Variants in ARHGEF28 observed in about 807,000 individuals in gnomAD.
ARHGEF28 encodes Rho guanine nucleotide exchange factor 28.
In ARHGEF28, 152 loss-of-function variants were observed where a neutral mutation model predicts 206.6. That is an observed-to-expected ratio of 0.74 (90% CI 0.64 to 0.84). The LOEUF is 0.84. Among genes scored for constraint, ARHGEF28 ranks in the 40% least tolerant of loss-of-function variants. The pLI is 0.00. For synonymous variants in ARHGEF28, 763 were observed against 776.4 expected (o/e 0.98, Z 0.29); for missense variants, 2,028 against 2,073.2 (o/e 0.98, Z 0.42).
At chr5:73,936,927 G>A (rs541505250) in intron 35 of ARHGEF28, among the ~76,000 whole-genome samples, 2 of 152,246 alleles carry the variant, frequency 1.3e-5, no homozygotes, top group Admixed American at 1.3e-4. Flanking sequence ...TGATAGTCTG[G>A]TCTTGAAAAT....
At chr5:73,823,056 G>A (rs1756691822) in intron 9 of ARHGEF28, among the ~76,000 whole-genome samples, 1 of 151,462 alleles carries the variant, frequency 6.6e-6, no homozygotes, top group Non-Finnish European at 1.5e-5. Flanking sequence ...GAGGAAATTT[G>A]GGAGATTGTA....
chr5:73,860,692 G>A (rs1000340311), intron 16 of ARHGEF28, among the ~76,000 whole-genome samples: 1 of 152,150 alleles, frequency 6.6e-6, no homozygotes, highest in African/African-American at 2.4e-5. Context: ...TCATCTACAA[G>A]TTATGATCAG....
In ARHGEF28 at chr5:73,690,303, A is replaced by G. The variant is rs952183481; in HGVS notation, c.33+5419A>G. 3.9e-5 allele frequency among the ~76,000 whole-genome samples: 6 copies of G among 152,162 alleles called. No homozygotes were observed. The South Asian group carries it at 1.2e-3, about 32-fold the overall frequency. On this transcript the variant is annotated intron_variant, in intron 2 of 35. Coordinates refer to ENST00000513042, the MANE Select transcript of ARHGEF28 (RefSeq NM_001177693.2). ...TGAATGCTTTTTGATTACATTTTAT[A>G]TTGAGTTTTCTCTACATTTTGTAAA...
chr5:73,739,283 A>T (rs1751214807), intron 2 of ARHGEF28, among the ~76,000 whole-genome samples: 1 of 152,228 alleles, frequency 6.6e-6, no homozygotes, highest in African/African-American at 2.4e-5. Context: ...ATGTCTTAAA[A>T]TTTGGTAAAT....
intron 9 of ARHGEF28, among the ~76,000 whole-genome samples, chr5:73,825,499 T>G (rs1290607328): frequency 6.6e-6 from 1 of 152,028 alleles, no homozygotes; most frequent in Non-Finnish European, 1.5e-5. Flanking sequence ...CTGTAGGTCA[T>G]GGAAAACTCT....
intron 4 of ARHGEF28, among the ~76,000 whole-genome samples, chr5:73,759,284 G>T (rs1752477885): frequency 6.6e-6 from 1 of 152,206 alleles, no homozygotes; most frequent in Non-Finnish European, 1.5e-5. Context: ...TGATTTGTTA[G>T]TTTCAAGGAC....
chr5:73,899,431 G>A (rs924431953), intron 30 of ARHGEF28: 3 of 152,126 alleles, frequency 2.0e-5, no homozygotes, highest in Non-Finnish European at 4.4e-5. Context: ...TGACTGGGGA[G>A]AGTTTCAAAG....
intron 9 of ARHGEF28, among the ~76,000 whole-genome samples, chr5:73,823,915 G>T (rs1756743051): frequency 6.6e-6 from 1 of 152,210 alleles, no homozygotes; most frequent in Non-Finnish European, 1.5e-5. Flanking sequence ...TTTTGGGGAT[G>T]AAATGTGTTA....
In ARHGEF28 at chr5:73,893,281, A is replaced by T. The variant is rs768329108; in HGVS notation, c.3651A>T (p.Gln1217His). The change falls in exon 28 of 36, where the codon CAA becomes CAT. Residue 1217 changes from glutamine (Q) to histidine (H), a missense_variant. Around this residue, in one of 3 missense-constraint regions of ARHGEF28, gnomAD observed 803 missense variants for 768.0 expected, o/e 1.05. Transcript: ENST00000513042. ...AAGCCAGAGTGGCCAAAATTCAGCAATGTCAAGGTACAGTGCAGGCACTTC... is the reference window on the plus strand; with the variant it reads ...AAGCCAGAGTGGCCAAAATTCAGCATTGTCAAGGTACAGTGCAGGCACTTC... ...KAEARVAKIQ[Q>H]CQEILTNQDQ... 2 of 1,552,880 alleles carry T rather than the reference A, an allele frequency of 1.3e-6. No homozygotes were observed. Among genetic ancestry groups the T allele is most frequent in the South Asian group, 1.2e-5 (1 of 82,710 alleles).
chr5:73,879,806 C>T (rs1366710178), intron 22 of ARHGEF28, among the ~76,000 whole-genome samples: 2 of 152,132 alleles, frequency 1.3e-5, no homozygotes, highest in African/African-American at 4.8e-5. Flanking sequence ...AGAGGAGTAC[C>T]TGGCCATGTG....
In ARHGEF28 at chr5:73,651,807, T is replaced by C. The variant is rs144621023; in HGVS notation, c.-12+25485T>C. Among the ~76,000 whole-genome samples, 159 of 152,292 alleles carry C rather than the reference T, an allele frequency of 1.0e-3. 1 individual carries two copies. The highest frequency in any genetic ancestry group is 3.7e-3 in the African/African-American group (153 of 41,568). On this transcript the variant is annotated intron_variant, in intron 1 of 35. Coordinates refer to ENST00000513042, the MANE Select transcript of ARHGEF28 (RefSeq NM_001177693.2). ...TTTTTCTTATAACTCGTGAAGTATA[T>C]CTTTGTCTGAACTTATGGCTCAATT...
At chr5:73,693,691 T>G (rs1015147254) in intron 2 of ARHGEF28, among the ~76,000 whole-genome samples, 4 of 152,254 alleles carry the variant, frequency 2.6e-5, no homozygotes, top group African/African-American at 9.6e-5. Flanking sequence ...TGTCTTTATT[T>G]AAAACACAGC....
intron 2 of ARHGEF28, among the ~76,000 whole-genome samples, chr5:73,724,773 G>A (rs1750176582): frequency 6.6e-6 from 1 of 152,158 alleles, no homozygotes; most frequent in Admixed American, 6.5e-5. Context: ...ATTACATTGT[G>A]TGGAGGTAAC....
chr5:73,875,361 T>C (rs1343590943), intron 22 of ARHGEF28, among the ~76,000 whole-genome samples: 4,931 of 147,144 alleles, frequency 0.034, 249 homozygotes, highest in African/African-American at 0.12. Flanking sequence ...TTCTCCCATT[T>C]TGTAGGTTGC....
At chr5:73,881,166 A>G (rs774804448) in intron 22 of ARHGEF28, among the ~76,000 whole-genome samples, 4 of 151,764 alleles carry the variant, frequency 2.6e-5, no homozygotes, top group Non-Finnish European at 5.9e-5. Flanking sequence ...ATTTTGTTTC[A>G]CTGATCTATG....
At chr5:73,903,775 T>C (rs1762402182) in intron 31 of ARHGEF28, 1 of 165,384 alleles carries the variant, frequency 6.0e-6, no homozygotes, top group Non-Finnish European at 1.3e-5. Flanking sequence ...TCTCAAACAT[T>C]GAGAAAAGGA....
chr5:73,676,461 A>G (rs1266880548), intron 1 of ARHGEF28, among the ~76,000 whole-genome samples: 2 of 151,236 alleles, frequency 1.3e-5, no homozygotes, highest in Non-Finnish European at 2.9e-5. Flanking sequence ...CTGGTCTCGA[A>G]CTCCTGACCT....
At chr5:73,676,831 C>T (rs1039201734) in intron 1 of ARHGEF28, among the ~76,000 whole-genome samples, 6 of 152,106 alleles carry the variant, frequency 3.9e-5, no homozygotes, top group Non-Finnish European at 7.3e-5. Context: ...GTATTTTTCC[C>T]AGTAGTTTTC....
chr5:73,893,384 T>G, intron 28 of ARHGEF28, 96 bp downstream of exon 28: 1 of 964,438 alleles, frequency 1.0e-6, no homozygotes. Context: ...ACTACATGAT[T>G]CATCCTGTGC....
Sources: allele counts gnomAD v4.1 joint callset (sites outside exome capture counted in the v4.1 genomes callset), GRCh38; gene constraint gnomAD v4.1.1; regional missense constraint gnomAD v4.1.1; transcripts MANE v1.5; gene names NCBI Gene and HGNC (gene_info 2026-07-23, HGNC 2026-07-21).